VWA3A: variants seen among roughly 807,000 people sequenced by gnomAD.
VWA3A encodes the protein von Willebrand factor A domain containing 3A, also known as von Willebrand factor A domain-containing protein 3A.
VWA3A carries 134 observed loss-of-function variants against 160.4 expected under a neutral mutation model. The ratio of observed to expected loss-of-function variants is 0.84; its 90% CI spans 0.73 to 0.96. The LOEUF (loss-of-function observed/expected upper bound fraction) is 0.96, where lower values mean the gene tolerates loss of function less well. Among genes scored for constraint, VWA3A ranks in the 40% least tolerant of loss-of-function variants. The pLI, the probability that VWA3A is intolerant of heterozygous loss-of-function variation, is 0.00. For missense variants in VWA3A, 1,310 were observed against 1,447.9 expected (o/e 0.90, Z 1.55); for synonymous variants, 476 against 543.4 (o/e 0.88, Z 1.72).
intron 20 of VWA3A, among the ~76,000 whole-genome samples, chr16:22,133,841 T>C (rs2045992266): frequency 6.6e-6 from 1 of 151,974 alleles, no homozygotes; most frequent in Admixed American, 6.6e-5. Context: ...AATTAAAAAA[T>C]ATATAATTTA....
Position 22,092,599 on chromosome 16 carries a change from G to C in VWA3A, c.-39G>C. On this transcript the variant is annotated 5_prime_UTR_variant, in exon 1 of 34. Coordinates refer to ENST00000389398, the MANE Select transcript of VWA3A (RefSeq NM_173615.5). ...TGAGATCCAGGAGAAGTAAGGCCCT[G>C]GAGTGCCAGGAGCCCTTCTCCCAAA... 1 of 1,549,588 alleles carries C rather than the reference G, an allele frequency of 6.5e-7. No individual in the cohort carries two copies. Among genetic ancestry groups the C allele is most frequent in the East Asian group, 2.4e-5 (1 of 40,818 alleles).
intron 8 of VWA3A, among the ~76,000 whole-genome samples, chr16:22,114,006 A>G (rs1391568818): frequency 6.6e-6 from 1 of 151,878 alleles, no homozygotes; most frequent in Non-Finnish European, 1.5e-5. Context: ...GCAACCATAT[A>G]TCTTTCTTTA....
intron 6 of VWA3A, among the ~76,000 whole-genome samples, chr16:22,107,267 T>C (rs2045495343): frequency 6.6e-6 from 1 of 152,208 alleles, no homozygotes; most frequent in Non-Finnish European, 1.5e-5. Context: ...TTGTCATTGC[T>C]GAAGGAGAGG....
At chr16:22,093,480 T>A (rs922065075) in intron 1 of VWA3A, among the ~76,000 whole-genome samples, 5 of 152,210 alleles carry the variant, frequency 3.3e-5, no homozygotes, top group Non-Finnish European at 7.3e-5. Flanking sequence ...GGCTGCGTCC[T>A]GTTCATGTCT....
At chr16:22,123,797 C>T in intron 16 of VWA3A, 90 bp downstream of exon 16, 1 of 1,238,606 alleles carries the variant, frequency 8.1e-7, no homozygotes, top group East Asian at 2.4e-5. Flanking sequence ...TTGGTAGCAT[C>T]AGAAGCCATC....
rs770824852 is a variant in VWA3A, at chr16:22,134,382, G to C, written c.2083G>C (p.Asp695His). 2.5e-6 allele frequency: 4 copies of C among 1,598,976 alleles called. No homozygotes were observed. The highest frequency in any genetic ancestry group is 3.4e-6 in the Non-Finnish European group (4 of 1,172,394). ...WFGDTGIYESDDINSIMSEME... is the reference protein window; with the variant it reads ...WFGDTGIYESHDINSIMSEME... ...TTTGTTTCCAGGCATTTATGAGAGCGATGACATCAACTCCATCATGTCTGA... is the reference window on the plus strand; with the variant it reads ...TTTGTTTCCAGGCATTTATGAGAGCCATGACATCAACTCCATCATGTCTGA... Residue 695 changes from aspartate (D) to histidine (H), a missense_variant, in exon 21 of 34, where the codon GAT becomes CAT. Coordinates refer to ENST00000389398, the MANE Select transcript of VWA3A (RefSeq NM_173615.5).
intron 21 of VWA3A, among the ~76,000 whole-genome samples, chr16:22,137,560 T>A (rs1598092895): frequency 6.6e-6 from 1 of 152,226 alleles, no homozygotes. Context: ...GGCAAGTCAA[T>A]GCACAGAGAC....
rs1598105298 is a variant in VWA3A at position 22,146,255 on chromosome 16, A to G, written c.2750A>G (p.Gln917Arg). Reference protein sequence around the residue: ...VEIHGVVRHIQWTPREMEVYI... With the variant: ...VEIHGVVRHIRWTPREMEVYI... ...ACCCAGGGAGTGGTGAGACACATCC[A>G]GTGGACGCCCAGGGAGATGGAGGTG... The change falls in exon 27 of 34, where the codon CAG (glutamine) becomes CGG (arginine). Residue 917 changes from glutamine to arginine, a missense_variant. Physicochemically the swap from Gln to Arg is conservative, Grantham distance 43. Transcript: ENST00000389398. 1 of 1,613,658 alleles carries G rather than the reference A, an allele frequency of 6.2e-7. No individual in the cohort carries two copies. The highest frequency in any genetic ancestry group is 1.7e-5 in the Admixed American group (1 of 59,998).
intron 21 of VWA3A, among the ~76,000 whole-genome samples, chr16:22,136,857 C>A (rs1368842307): frequency 1.3e-5 from 2 of 149,074 alleles, no homozygotes; most frequent in Non-Finnish European, 3.0e-5. Flanking sequence ...ATGGTGAAAC[C>A]CCGTCTCTAC....
At position 22,121,632 on chromosome 16, in the gene VWA3A, T is replaced by C. The variant is rs776963069; in HGVS notation, c.1356+15T>C. On this transcript the variant is annotated intron_variant, in intron 14 of 33. Coordinates refer to ENST00000389398, the MANE Select transcript of VWA3A (RefSeq NM_173615.5). ...CCATCCATGAGGTAATTCAGATTCATAATTCTCTCCAGTCCTCCACAGGAG... is the reference window on the plus strand; with the variant it reads ...CCATCCATGAGGTAATTCAGATTCACAATTCTCTCCAGTCCTCCACAGGAG... 6.3e-7 allele frequency: 1 copy of C among 1,590,998 alleles called. No homozygotes were observed. The highest frequency in any genetic ancestry group is 1.3e-5 in the African/African-American group (1 of 74,540).
chr16:22,132,583 T>C (rs115771751), intron 19 of VWA3A, among the ~76,000 whole-genome samples: 1,919 of 152,150 alleles, frequency 0.013, 43 homozygotes, highest in African/African-American at 0.044. Flanking sequence ...CATACCTACA[T>C]AGTGCAGATC....
intron 21 of VWA3A, 45 bp from the exon 22 acceptor site, chr16:22,138,315 C>T (rs934191359): frequency 1.1e-5 from 17 of 1,504,258 alleles, no homozygotes; most frequent in Admixed American, 1.0e-4. Context: ...GTGTGTGTGT[C>T]CACAGTGGCT....
At position 22,134,450 on chromosome 16, in the gene VWA3A, G is replaced by T. The variant is rs1218564097; in HGVS notation, c.2139+12G>T. 6.3e-7 allele frequency: 1 copy of T among 1,580,206 alleles called. No individual in the cohort carries two copies. The highest frequency in any genetic ancestry group is 2.3e-5 in the East Asian group (1 of 43,548). ...ACTACTCCCAAAAGGTATGCCCTGG[G>T]CATGGGCCAATGACTGCACTGCCTT... On this transcript the variant is annotated intron_variant, in intron 21 of 33. Transcript: ENST00000389398.
At chr16:22,109,091 G>A (rs2045518612) in intron 6 of VWA3A, among the ~76,000 whole-genome samples, 1 of 152,146 alleles carries the variant, frequency 6.6e-6, no homozygotes, top group African/African-American at 2.4e-5. Flanking sequence ...TTGATTGATA[G>A]AGTAGGCAAA....
chr16:22,134,658 G>GTGTTTGTTTGTTTGTT (rs34781292), intron 21 of VWA3A, among the ~76,000 whole-genome samples: 11 of 151,382 alleles, frequency 7.3e-5, no homozygotes, highest in South Asian at 2.1e-4. Flanking sequence ...GTGGCAATTG[G>GTGTTTGTTTGTTTGTT]TGTTTGTTTG....
intron 1 of VWA3A, among the ~76,000 whole-genome samples, chr16:22,095,554 G>A (rs1194148687): frequency 6.6e-6 from 1 of 151,938 alleles, no homozygotes; most frequent in Non-Finnish European, 1.5e-5. Context: ...GGATTTGGGT[G>A]TGGATTTTTG....
intron 26 of VWA3A, among the ~76,000 whole-genome samples, chr16:22,144,817 G>C (rs1008391180): frequency 1.3e-5 from 2 of 152,160 alleles, no homozygotes; most frequent in African/African-American, 2.4e-5. Context: ...GGGAGGCTGA[G>C]GCGGGAGGAT....
chr16:22,116,688 C>G, intron 9 of VWA3A, 71 bp from the exon 10 acceptor site: 1 of 1,225,326 alleles, frequency 8.2e-7, no homozygotes, highest in Non-Finnish European at 1.2e-6. Context: ...TTGGGAATTA[C>G]CGTTTTGCTC....
At chr16:22,116,185 G>A (rs2045641223) in intron 9 of VWA3A, among the ~76,000 whole-genome samples, 1 of 145,928 alleles carries the variant, frequency 6.9e-6, no homozygotes, top group African/African-American at 2.5e-5. Flanking sequence ...AAGAATGAAA[G>A]AAGGAAAGAA....
Sources: allele counts gnomAD v4.1 joint callset (sites outside exome capture counted in the v4.1 genomes callset), GRCh38; gene constraint gnomAD v4.1.1; transcripts MANE v1.5; gene names NCBI Gene and HGNC (gene_info 2026-07-23, HGNC 2026-07-21).